TDRD5: variants seen among roughly 807,000 people sequenced by gnomAD.
The protein encoded by TDRD5 is tudor domain containing 5.
Under a neutral mutation model 120.6 loss-of-function variants are expected in TDRD5, and 41 were observed. That is an observed-to-expected ratio of 0.34 (90% CI 0.26 to 0.44). The LOEUF (loss-of-function observed/expected upper bound fraction) is 0.44, where lower values mean the gene tolerates loss of function less well. Ranked by LOEUF, TDRD5 falls within the 20% of genes least tolerant of loss-of-function variation. The pLI is 1.00. For missense variants in TDRD5, 1,006 were observed against 1,221.2 expected (o/e 0.82, Z 2.63); for synonymous variants, 430 against 433.7 (o/e 0.99, Z 0.11).
chr1:179,665,439 A>G (rs901729170), intron 16 of TDRD5, among the ~76,000 whole-genome samples: 1 of 152,154 alleles, frequency 6.6e-6, no homozygotes, highest in African/African-American at 2.4e-5. Context: ...GATAGAGTCC[A>G]TCTTTATTCT....
chr1:179,609,727 T>A (rs1676180651), intron 4 of TDRD5, among the ~76,000 whole-genome samples: 1 of 152,182 alleles, frequency 6.6e-6, no homozygotes, highest in African/African-American at 2.4e-5. Flanking sequence ...GAAGTACTCC[T>A]ACTGTTCCTA....
intron 4 of TDRD5, among the ~76,000 whole-genome samples, chr1:179,617,479 TAC>T (rs893078437): frequency 6.6e-6 from 1 of 152,112 alleles, no homozygotes; most frequent in African/African-American, 2.4e-5. Context: ...CCTAAAAGGT[TAC>T]ACAGTTTGTA....
At chr1:179,592,538 G>A (rs987191357) in intron 1 of TDRD5, 64 bp from the exon 2 acceptor site, 8 of 1,206,626 alleles carry the variant, frequency 6.6e-6, no homozygotes, top group Admixed American at 4.1e-5. Context: ...CCCACTATTG[G>A]TTTTTTTTTA....
rs576377113 is a variant in TDRD5, at chr1:179,621,512, T to G, written c.972+421T>G. Among the ~76,000 whole-genome samples the G allele has an allele frequency of 1.6e-4, 25 of 152,080 alleles. No individual in the cohort carries two copies. In the South Asian group the frequency reaches 5.2e-3, roughly 32 times the overall value. ...TTTTACATTTGCACTCTAGAGAAAC[T>G]CTTGCACATGTACGCATGAAGACCT... On this transcript the variant is annotated intron_variant, in intron 6 of 17. Coordinates refer to ENST00000444136, the MANE Select transcript of TDRD5 (RefSeq NM_001199085.3).
At chr1:179,628,104 G>A (rs1476690690) in intron 6 of TDRD5, among the ~76,000 whole-genome samples, 1 of 152,040 alleles carries the variant, frequency 6.6e-6, no homozygotes, top group Admixed American at 6.6e-5. Context: ...AGCCTGTGGG[G>A]ATATTCATTA....
rs1677991380 is a variant in TDRD5, at chr1:179,640,557, AG to A, written c.1800+113del. On this transcript the variant is annotated intron_variant, in intron 11 of 17. Coordinates refer to ENST00000444136, the MANE Select transcript of TDRD5 (RefSeq NM_001199085.3). ...GATAAAACGTAGAACCAGCCTTCAA[AG>A]AAGTCAGTGTATAGAGTATGGAAAA... is the stretch of plus-strand genomic sequence containing the variant. The A allele has an allele frequency of 6.1e-6, 7 of 1,140,324 alleles. No homozygotes were observed. The Admixed American group carries it at 7.3e-5, about 12-fold the overall frequency. The allele number at this position is 1,140,324 out of a possible 1,614,324, so 70.6% of individuals were successfully genotyped here.
intron 14 of TDRD5, among the ~76,000 whole-genome samples, chr1:179,656,059 C>A (rs1296317879): frequency 3.9e-5 from 6 of 152,294 alleles, no homozygotes; most frequent in Non-Finnish European, 8.8e-5. Context: ...TTTTCACCAG[C>A]AATAATATAT....
At chr1:179,643,112 G>A (rs547106822) in intron 11 of TDRD5, among the ~76,000 whole-genome samples, 1 of 152,294 alleles carries the variant, frequency 6.6e-6, no homozygotes, top group African/African-American at 2.4e-5. Context: ...GGGGAACTCA[G>A]TAGCCCTAGT....
chr1:179,635,886 C>T lies in TDRD5; in HGVS notation c.1519C>T (p.Arg507Trp). Reference protein sequence around the residue: ...ELLEDMMIEMRRCYSNQLVSD... With the variant: ...ELLEDMMIEMWRCYSNQLVSD... ...ACTCGAAGACATGATGATTGAAATG[C>T]GGTAGGAGTCTGTTGTTTTCAATGT... is the stretch of plus-strand genomic sequence containing the variant. The change falls in exon 9 of 18, where the codon CGG (arginine) becomes TGG (tryptophan). Residue 507 changes from arginine (R) to tryptophan (W), a missense_variant and splice_region_variant. Physicochemically the swap from Arg to Trp is moderately radical, Grantham distance 101. Around this residue, in one of 3 missense-constraint regions of TDRD5, gnomAD observed 158 missense variants for 257.5 expected, o/e 0.61. Transcript: ENST00000444136. 1 of 1,612,314 alleles carries T rather than the reference C, an allele frequency of 6.2e-7. No individual in the cohort carries two copies. Among genetic ancestry groups the T allele is most frequent in the Non-Finnish European group, 8.5e-7 (1 of 1,179,054 alleles).
intron 4 of TDRD5, among the ~76,000 whole-genome samples, chr1:179,611,733 C>G (rs181915884): frequency 6.6e-5 from 10 of 152,246 alleles, no homozygotes; most frequent in African/African-American, 2.4e-4. Context: ...TGGCATGGCT[C>G]CAAGTTGAGG....
Position 179,674,019 on chromosome 1 carries a change from C to T in TDRD5, c.2860+4615C>T, listed in dbSNP as rs187539810. Among the ~76,000 whole-genome samples the T allele has an allele frequency of 2.0e-4, 31 of 151,734 alleles. No homozygotes were observed. In the South Asian group the frequency reaches 4.7e-3, roughly 23 times the overall value. ...CAGTGACAGTTTGACTTCCTCTTTA[C>T]CGATTTGGGTGCCCTTTATTTCTTT... is the stretch of plus-strand genomic sequence containing the variant. On this transcript the variant is annotated intron_variant, in intron 17 of 17. Coordinates refer to ENST00000444136, the MANE Select transcript of TDRD5 (RefSeq NM_001199085.3).
chr1:179,609,740 C>A (rs1171161959), intron 4 of TDRD5, among the ~76,000 whole-genome samples: 1 of 152,148 alleles, frequency 6.6e-6, no homozygotes, highest in East Asian at 1.9e-4. Flanking sequence ...TGTTCCTAGC[C>A]CTGTGTGAGT....
rs1676029391 is a variant in TDRD5, at chr1:179,607,259, CTT to C, written c.832-11337_832-11336del. Among the ~76,000 whole-genome samples, 3 of 152,130 alleles carry C rather than the reference CTT, an allele frequency of 2.0e-5. No individual in the cohort carries two copies. The South Asian group carries it at 6.2e-4, about 32-fold the overall frequency. On this transcript the variant is annotated intron_variant, in intron 4 of 17. Coordinates refer to ENST00000444136, the MANE Select transcript of TDRD5 (RefSeq NM_001199085.3). ...TACTGGAATATAGGAAAATGATTGA[CTT>C]TTGTACATTAACCTTGCATCCTGCA... is the stretch of plus-strand genomic sequence containing the variant.
At chr1:179,663,238 C>T in intron 15 of TDRD5, 110 bp from the exon 16 acceptor site, 1 of 1,280,730 alleles carries the variant, frequency 7.8e-7, no homozygotes, top group East Asian at 2.4e-5. Context: ...TAATAAATAC[C>T]TTTTTTAAAA....
At chr1:179,679,411 A>G (rs909936514) in intron 17 of TDRD5, among the ~76,000 whole-genome samples, 10 of 152,080 alleles carry the variant, frequency 6.6e-5, no homozygotes, top group African/African-American at 1.7e-4. Context: ...CTCCTCTTCT[A>G]TTAATATTGT....
intron 17 of TDRD5, among the ~76,000 whole-genome samples, chr1:179,675,574 C>G (rs13376656): frequency 0.017 from 2,613 of 152,144 alleles, 54 homozygotes; most frequent in African/African-American, 0.059. Flanking sequence ...CCACCGCGCC[C>G]GGCCCTCAAA....
rs75065947 is a variant in TDRD5 at position 179,665,530 on chromosome 1, A to G, written c.2649+2039A>G. Among the ~76,000 whole-genome samples, 1,041 of 152,244 alleles carry G rather than the reference A, an allele frequency of 6.8e-3. 8 individuals are homozygous for G. The highest frequency in any genetic ancestry group is 0.022 in the African/African-American group (929 of 41,562). Reference sequence around the variant, plus strand: ...CCCCATGAATTGTCTTGGCATCCTTATTGAAAATCAGCTGACATAAAGATA... The same window carrying G: ...CCCCATGAATTGTCTTGGCATCCTTGTTGAAAATCAGCTGACATAAAGATA... On this transcript the variant is annotated intron_variant, in intron 16 of 17. Coordinates refer to ENST00000444136, the MANE Select transcript of TDRD5 (RefSeq NM_001199085.3).
intron 11 of TDRD5, among the ~76,000 whole-genome samples, chr1:179,642,281 G>A (rs1678095639): frequency 6.6e-6 from 1 of 151,404 alleles, no homozygotes; most frequent in Non-Finnish European, 1.5e-5. Context: ...TTTTATTTTT[G>A]TAGAGGTGGG....
At chr1:179,610,773 G>A (rs1676232649) in intron 4 of TDRD5, among the ~76,000 whole-genome samples, 1 of 151,964 alleles carries the variant, frequency 6.6e-6, no homozygotes, top group Non-Finnish European at 1.5e-5. Flanking sequence ...TGTTTTTTAA[G>A]ACGGGTCTCC....
Sources: gnomAD v4.1 joint callset for allele counts (sites outside exome capture counted in the v4.1 genomes callset) on GRCh38, gnomAD v4.1.1 for gene constraint, gnomAD v4.1.1 regional missense constraint, MANE v1.5 for transcripts, NCBI Gene and HGNC (gene_info 2026-07-23, HGNC 2026-07-21) for gene names.